SLC24A3: variants seen among roughly 807,000 people sequenced by gnomAD.
The protein encoded by SLC24A3 is solute carrier family 24 member 3.
In SLC24A3, 28 loss-of-function variants were observed where a neutral mutation model predicts 75.8. That is an observed-to-expected ratio of 0.37 (90% CI 0.27 to 0.51). The LOEUF (loss-of-function observed/expected upper bound fraction) is 0.51. Among genes scored for constraint, SLC24A3 ranks in the 20% least tolerant of loss-of-function variants. The pLI, the probability that SLC24A3 is intolerant of heterozygous loss-of-function variation, is 0.94. For missense variants in SLC24A3, 663 were observed against 847.8 expected, an observed-to-expected ratio of 0.78 and a Z score of 2.71; for synonymous variants, 372 against 334.1, an observed-to-expected ratio of 1.11 and a Z score of -1.24.
intron 2 of SLC24A3, among the ~76,000 whole-genome samples, chr20:19,496,342 TG>T (rs1988287007): frequency 6.6e-6 from 1 of 152,176 alleles, no homozygotes; most frequent in Non-Finnish European, 1.5e-5. Context: ...CAGGAGCTGA[TG>T]GGCTGTGGAG....
intron 2 of SLC24A3, among the ~76,000 whole-genome samples, chr20:19,285,167 T>G (rs1369550881): frequency 6.6e-6 from 1 of 152,134 alleles, no homozygotes; most frequent in Non-Finnish European, 1.5e-5. Flanking sequence ...ATATATTACT[T>G]TATACATTTT....
chr20:19,454,816 G>A (rs2122487412), intron 2 of SLC24A3, among the ~76,000 whole-genome samples: 1 of 152,328 alleles, frequency 6.6e-6, no homozygotes, highest in East Asian at 1.9e-4. Context: ...AACCAACAAT[G>A]TAAGTGCAGG....
At position 19,720,386 on chromosome 20, in the gene SLC24A3, G is replaced by A. The variant is rs371053327; in HGVS notation, c.1786-605G>A. Among the ~76,000 whole-genome samples the A allele has an allele frequency of 5.9e-5, 9 of 152,280 alleles. No homozygotes were observed. In the East Asian group the frequency reaches 9.7e-4, roughly 16 times the overall value. ...CAGTGGAGAGTGGCAAGAGCCGGGC[G>A]GAAAGCTTCAAGGATAGGCAGTGGC... is the stretch of plus-strand genomic sequence containing the variant. On this transcript the variant is annotated intron_variant, in intron 16 of 16. Coordinates refer to ENST00000328041, the MANE Select transcript of SLC24A3 (RefSeq NM_020689.4).
At chr20:19,546,331 T>C (rs1600275067) in intron 3 of SLC24A3, among the ~76,000 whole-genome samples, 1 of 152,264 alleles carries the variant, frequency 6.6e-6, no homozygotes, top group East Asian at 1.9e-4. Context: ...ACCTAGAAGA[T>C]GAGACAAGGC....
chr20:19,395,158 G>A lies in SLC24A3; in HGVS notation c.271+114071G>A, dbSNP rs6106072. 7.7e-3 allele frequency among the ~76,000 whole-genome samples: 1,180 copies of A among 152,306 alleles called. 10 individuals carry two copies. The highest frequency in any genetic ancestry group is 0.027 in the African/African-American group (1,121 of 41,566). ...ACAGGCCGACTCACAGAAACAGGAA[G>A]TTGGATGGTGGTTGCCAGGTACTGG... On this transcript the variant is annotated intron_variant, in intron 2 of 16. Coordinates refer to ENST00000328041, the MANE Select transcript of SLC24A3 (RefSeq NM_020689.4).
At chr20:19,424,715 T>G in intron 2 of SLC24A3, among the ~76,000 whole-genome samples, 1 of 123,324 alleles carries the variant, frequency 8.1e-6, no homozygotes, top group Non-Finnish European at 1.6e-5. Flanking sequence ...GGCAACAGAG[T>G]GAGACCCTTT....
intron 7 of SLC24A3, among the ~76,000 whole-genome samples, chr20:19,661,264 T>A (rs777045802): frequency 6.6e-6 from 1 of 152,166 alleles, no homozygotes; most frequent in South Asian, 2.1e-4. Flanking sequence ...TGCCCGTAGG[T>A]CATTTTTTCC....
At chr20:19,561,993 A>G (rs1241341967) in intron 3 of SLC24A3, among the ~76,000 whole-genome samples, 2 of 152,170 alleles carry the variant, frequency 1.3e-5, no homozygotes, top group Admixed American at 1.3e-4. Flanking sequence ...GAGAACTGCC[A>G]AAACTCAAAG....
At chr20:19,521,570 C>T (rs2030099561) in intron 3 of SLC24A3, among the ~76,000 whole-genome samples, 1 of 152,182 alleles carries the variant, frequency 6.6e-6, no homozygotes, top group Non-Finnish European at 1.5e-5. Context: ...AAAGGGGTCC[C>T]TTCCTCCCAG....
chr20:19,642,066 A>C (rs573197214), intron 6 of SLC24A3, among the ~76,000 whole-genome samples: 2 of 152,226 alleles, frequency 1.3e-5, no homozygotes, highest in African/African-American at 2.4e-5. Context: ...GAATATTAAA[A>C]GTTTGTAAGA....
intron 1 of SLC24A3, chr20:19,243,744 T>C (rs1242044460): frequency 3.3e-5 from 5 of 152,482 alleles, no homozygotes; most frequent in Non-Finnish European, 7.3e-5. Context: ...CTAGGGCTGC[T>C]TCCTGTGTCT....
At chr20:19,399,654 T>A (rs940102737) in intron 2 of SLC24A3, among the ~76,000 whole-genome samples, 9 of 152,188 alleles carry the variant, frequency 5.9e-5, no homozygotes, top group African/African-American at 2.2e-4. Flanking sequence ...CGAGGCTAAT[T>A]TTATGGCCCA....
chr20:19,437,484 C>T (rs79144092), intron 2 of SLC24A3, among the ~76,000 whole-genome samples: 2 of 152,146 alleles, frequency 1.3e-5, no homozygotes, highest in East Asian at 1.9e-4. Context: ...CCCAGTCCTG[C>T]GTATTTCCTT....
chr20:19,343,558 G>A (rs1600439086), intron 2 of SLC24A3, among the ~76,000 whole-genome samples: 1 of 151,876 alleles, frequency 6.6e-6, no homozygotes, highest in African/African-American at 2.4e-5. Flanking sequence ...TCTGAGAGTT[G>A]AAGGAGAAAA....
At chr20:19,330,561 A>G (rs1217317484) in intron 2 of SLC24A3, among the ~76,000 whole-genome samples, 2 of 152,228 alleles carry the variant, frequency 1.3e-5, no homozygotes, top group South Asian at 2.1e-4. Flanking sequence ...CATACTTATA[A>G]TAAATAGATA....
chr20:19,630,832 C>A (rs1203595282), intron 6 of SLC24A3, among the ~76,000 whole-genome samples: 2 of 152,148 alleles, frequency 1.3e-5, no homozygotes, highest in African/African-American at 4.8e-5. Context: ...TACCCTAGGA[C>A]CAGAACAGCA....
intron 2 of SLC24A3, among the ~76,000 whole-genome samples, chr20:19,471,668 A>C (rs893666890): frequency 1.3e-5 from 2 of 152,280 alleles, no homozygotes; most frequent in East Asian, 3.9e-4. Context: ...AGGATGGCTT[A>C]GCCCATCACT....
intron 15 of SLC24A3, among the ~76,000 whole-genome samples, chr20:19,707,241 A>G (rs1211735908): frequency 6.6e-6 from 1 of 152,180 alleles, no homozygotes; most frequent in Admixed American, 6.5e-5. Flanking sequence ...TCCACCCACC[A>G]TGAGGCTATG....
intron 7 of SLC24A3, among the ~76,000 whole-genome samples, chr20:19,665,058 A>G (rs78829187): frequency 0.024 from 3,617 of 152,352 alleles, 74 homozygotes; most frequent in Middle Eastern, 0.071. Context: ...TTTAGATGGT[A>G]TATAGACCAG....
Sources: gnomAD v4.1 joint callset for allele counts (sites outside exome capture counted in the v4.1 genomes callset) on GRCh38, gnomAD v4.1.1 for gene constraint, MANE v1.5 for transcripts, NCBI Gene and HGNC (gene_info 2026-07-23, HGNC 2026-07-21) for gene names.